The following NRK variants were observed in gnomAD, a reference collection of about 807,000 sequenced individuals.
The protein encoded by NRK is nik-related protein kinase.
NRK carries 67 observed loss-of-function variants against 125.2 expected under a neutral mutation model. The ratio of observed to expected loss-of-function variants is 0.54; its 90% confidence interval spans 0.44 to 0.66. The LOEUF (loss-of-function observed/expected upper bound fraction) is 0.66, where lower values mean the gene tolerates loss of function less well. Among genes scored for constraint, NRK ranks in the 30% least tolerant of loss-of-function variants. NRK has a pLI of 0.00. For missense variants in NRK, 1,224 were observed against 1,192.9 expected (o/e 1.03, Z -0.38); for synonymous variants, 458 against 429.0 (o/e 1.07, Z -0.84).
At chrX:105,872,970 G>A (rs181575353) in intron 2 of NRK, among the ~76,000 whole-genome samples, 1 of 111,096 alleles carries the variant, frequency 9.0e-6, no homozygotes, top group African/African-American at 3.3e-5. Context: ...CTATGAGAAA[G>A]CTGGCATCCA....
At chrX:105,843,251 A>G (rs1215240899) in intron 2 of NRK, among the ~76,000 whole-genome samples, 1 of 112,456 alleles carries the variant, frequency 8.9e-6, no homozygotes, top group African/African-American at 3.2e-5. Context: ...ATGTTATGAG[A>G]AACATTGGCT....
chrX:105,837,377 T>G (rs1010977046), intron 2 of NRK, among the ~76,000 whole-genome samples: 1 of 111,451 alleles, frequency 9.0e-6, no homozygotes, highest in African/African-American at 3.3e-5. Context: ...CATAGAGTCC[T>G]TTGCTTTTTC....
intron 2 of NRK, among the ~76,000 whole-genome samples, chrX:105,848,920 G>T (rs928187677): frequency 8.9e-6 from 1 of 111,782 alleles, no homozygotes; most frequent in Admixed American, 9.5e-5. Flanking sequence ...TTATTATTAT[G>T]TAAAATTTTG....
intron 2 of NRK, among the ~76,000 whole-genome samples, chrX:105,878,497 T>A (rs572817644): frequency 9.0e-6 from 1 of 111,634 alleles, no homozygotes; most frequent in African/African-American, 3.2e-5. Context: ...GTGCTTTTTG[T>A]CTGATAAAAG....
At position 105,958,571 on chromosome X, in the gene NRK, A is replaced by C. The variant is rs1389754429; in HGVS notation, c.*2971A>C. 2 of 112,446 alleles carry C rather than the reference A, an allele frequency of 1.8e-5. No homozygotes were observed. The highest frequency in any genetic ancestry group is 3.8e-5 in the Non-Finnish European group (2 of 53,277). The allele number at this position is 112,446 out of a possible 1,213,427, so 9.3% of individuals were successfully genotyped here. On this transcript the variant is annotated 3_prime_UTR_variant, in exon 29 of 29. Transcript: ENST00000243300. The stretch of plus-strand genomic sequence containing the variant: ...TTGTTTCATCTGAAAGCCTACAATG[A>C]ATCATTGTTCAACCTTGAAAAATAA...
At chrX:105,851,746 C>A (rs2039474197) in intron 2 of NRK, among the ~76,000 whole-genome samples, 1 of 110,713 alleles carries the variant, frequency 9.0e-6, no homozygotes, top group Non-Finnish European at 1.9e-5. Flanking sequence ...ACCCTAAGGG[C>A]ACCATGGGAG....
chrX:105,891,591 A>G, intron 5 of NRK, among the ~76,000 whole-genome samples: 2 of 111,875 alleles, frequency 1.8e-5, no homozygotes, highest in Middle Eastern at 9.3e-3. Flanking sequence ...GAATTGAAAC[A>G]GTGGTTCTCT....
intron 19 of NRK, among the ~76,000 whole-genome samples, chrX:105,926,993 G>C (rs2040532419): frequency 9.0e-6 from 1 of 110,749 alleles, no homozygotes; most frequent in Non-Finnish European, 1.9e-5. Flanking sequence ...CAAATTTTAG[G>C]ATTTTTTTCC....
intron 19 of NRK, among the ~76,000 whole-genome samples, chrX:105,932,899 T>C (rs192854223): frequency 3.6e-5 from 4 of 111,416 alleles, no homozygotes; most frequent in Non-Finnish European, 7.5e-5. Flanking sequence ...TTAGTACTTA[T>C]GGTATTATTG....
chrX:105,841,085 T>G (rs1177382805), intron 2 of NRK, among the ~76,000 whole-genome samples: 1 of 111,210 alleles, frequency 9.0e-6, no homozygotes, highest in Non-Finnish European at 1.9e-5. Context: ...CTAACTTGAT[T>G]TTAGGACTTC....
intron 4 of NRK, among the ~76,000 whole-genome samples, chrX:105,885,155 A>G (rs2147713058): frequency 8.9e-6 from 1 of 112,360 alleles, no homozygotes; most frequent in East Asian, 2.8e-4. Flanking sequence ...ATATTTCTTA[A>G]TAATTTTTAT....
intron 22 of NRK, among the ~76,000 whole-genome samples, chrX:105,938,969 C>T (rs2040700881): frequency 9.0e-6 from 1 of 111,173 alleles, no homozygotes; most frequent in South Asian, 3.8e-4. Flanking sequence ...ATAAAACCAT[C>T]AGATCATATG....
chrX:105,860,407 TTTA>T (rs1438341403), intron 2 of NRK, among the ~76,000 whole-genome samples: 3 of 111,248 alleles, frequency 2.7e-5, no homozygotes, highest in African/African-American at 9.8e-5. Context: ...AAATAACAGC[TTTA>T]TTAAGATATC....
At chrX:105,899,405 C>G (rs1257681888) in intron 8 of NRK, among the ~76,000 whole-genome samples, 1 of 111,799 alleles carries the variant, frequency 8.9e-6, no homozygotes, top group Non-Finnish European at 1.9e-5. Context: ...ACCTAGGACT[C>G]AAAACTTGAA....
intron 16 of NRK, among the ~76,000 whole-genome samples, chrX:105,920,410 G>A (rs2040425335): frequency 9.6e-6 from 1 of 104,284 alleles, no homozygotes; most frequent in African/African-American, 3.7e-5. Context: ...CTTTAAAGTA[G>A]TTTTTTCCAA....
intron 1 of NRK, among the ~76,000 whole-genome samples, chrX:105,827,011 T>C (rs1328419397): frequency 9.0e-6 from 1 of 111,636 alleles, no homozygotes; most frequent in Non-Finnish European, 1.9e-5. Context: ...AATTCTGATA[T>C]CGTAATTCCA....
At chrX:105,882,344 A>G (rs2039894522) in intron 4 of NRK, among the ~76,000 whole-genome samples, 1 of 110,326 alleles carries the variant, frequency 9.1e-6, no homozygotes, top group African/African-American at 3.3e-5. Context: ...ATACTTGAAC[A>G]CATGAAAGGA....
chrX:105,909,343 C>T lies in NRK; in HGVS notation c.1702C>T (p.Pro568Ser). 1 of 1,205,894 alleles carries T rather than the reference C, an allele frequency of 8.3e-7. No homozygotes were observed. The highest frequency in any genetic ancestry group is 1.1e-6 in the Non-Finnish European group (1 of 891,447). Residue 568 changes from proline (P) to serine (S), a missense_variant, in exon 13 of 29, where the codon CCT becomes TCT. Transcript: ENST00000243300. The stretch of plus-strand genomic sequence containing the variant: ...AGAGGTACAGGAACAGGCTGCCGAG[C>T]CTGCACAGGCAGAGACTGAGGCAGA... The part of the protein sequence containing the change: ...QPEVQEQAAE[P>S]AQAETEAEEP...
At chrX:105,875,607 AGTT>A (rs1157539029) in intron 2 of NRK, among the ~76,000 whole-genome samples, 1 of 110,938 alleles carries the variant, frequency 9.0e-6, no homozygotes, top group Non-Finnish European at 1.9e-5. Flanking sequence ...TATTTTGAAT[AGTT>A]GACCTATTGC....
Sources: allele counts gnomAD v4.1 joint callset (sites outside exome capture counted in the v4.1 genomes callset), GRCh38; gene constraint gnomAD v4.1.1; transcripts MANE v1.5; gene names NCBI Gene and HGNC (gene_info 2026-07-23, HGNC 2026-07-21).